Variants in HTATSF1 observed in about 807,000 individuals in gnomAD.
HTATSF1 encodes the protein HIV-1 Tat specific factor 1.
Under a neutral mutation model 46.1 loss-of-function variants are expected in HTATSF1, and 6 were observed. The ratio of observed to expected loss-of-function variants is 0.13; its 90% CI spans 0.07 to 0.26. HTATSF1 has a LOEUF of 0.26. Ranked by LOEUF, HTATSF1 falls within the 10% of genes least tolerant of loss-of-function variation. The pLI, the probability that HTATSF1 is intolerant of heterozygous loss-of-function variation, is 1.00. For synonymous variants in HTATSF1, 226 were observed against 211.5 expected (o/e 1.07, Z -0.60); for missense variants, 452 against 559.9 (o/e 0.81, Z 1.94).
chrX:136,508,496 GA>G (rs1279795448), intron 6 of HTATSF1, among the ~76,000 whole-genome samples: 1 of 112,404 alleles, frequency 8.9e-6, no homozygotes, highest in Non-Finnish European at 1.9e-5. Flanking sequence ...CAACAGCTAA[GA>G]ATGTATTTTA....
chrX:136,503,913 C>T (rs2075730100), intron 5 of HTATSF1, among the ~76,000 whole-genome samples: 1 of 111,320 alleles, frequency 9.0e-6, no homozygotes, highest in South Asian at 3.8e-4. Flanking sequence ...CTCTGTCACA[C>T]AGGCTGGAGT....
chrX:136,498,927 ATTTCTTTCG>A (rs762991881), intron 1 of HTATSF1, among the ~76,000 whole-genome samples: 13 of 113,034 alleles, frequency 1.2e-4, no homozygotes, highest in African/African-American at 3.9e-4. Flanking sequence ...ATATAACTAT[ATTTCTTTCG>A]TTTTGCAATA....
At chrX:136,509,978 C>A in intron 7 of HTATSF1, 104 bp from the exon 8 acceptor site, 2 of 700,170 alleles carry the variant, frequency 2.9e-6, no homozygotes, top group African/African-American at 2.2e-5. Context: ...TCTTTTACTT[C>A]AGAGTATCAG....
upstream of HTATSF1, chrX:136,497,359 G>GGCGGCGGCGGCA (rs1319670312): frequency 1.1e-4 from 12 of 113,859 alleles, no homozygotes; most frequent in African/African-American, 4.0e-4. Context: ...CGGCGGCGGT[G>GGCGGCGGCGGCA]GCGGCGGCGG....
rs2075697680 is a variant in HTATSF1 at position 136,497,592 on chromosome X, A to C, written c.-93A>C. 10 of 750,250 alleles carry C rather than the reference A, an allele frequency of 1.3e-5. No homozygotes were observed. Among genetic ancestry groups the C allele is most frequent in the Non-Finnish European group, 1.8e-5 (10 of 545,768 alleles). The allele number at this position is 750,250 out of a possible 1,213,427, so 61.8% of individuals were successfully genotyped here. ...GGCCGGGGGGCGGCGGGGCGCGAGCAGAGCGCGGTTGACCTCCCTTTCTCT... is the reference window on the plus strand; with the variant it reads ...GGCCGGGGGGCGGCGGGGCGCGAGCCGAGCGCGGTTGACCTCCCTTTCTCT... On this transcript the variant is annotated 5_prime_UTR_variant, in exon 1 of 9. Transcript: ENST00000218364.
chrX:136,497,527 C>G, upstream of HTATSF1: 1 of 342,890 alleles, frequency 2.9e-6, no homozygotes. Flanking sequence ...GCCGAGCGGC[C>G]GCGATTTCCC....
chrX:136,509,222 TC>T, intron 7 of HTATSF1, 42 bp downstream of exon 7: 1 of 928,197 alleles, frequency 1.1e-6, no homozygotes, highest in Non-Finnish European at 1.6e-6. Flanking sequence ...AAGCAATAAT[TC>T]CTCCACCTTA....
At chrX:136,508,681 C>G (rs2075753839) in intron 6 of HTATSF1, among the ~76,000 whole-genome samples, 1 of 112,589 alleles carries the variant, frequency 8.9e-6, no homozygotes. Flanking sequence ...CTCTCTCTCT[C>G]TCCATTACAA....
intron 6 of HTATSF1, among the ~76,000 whole-genome samples, chrX:136,508,742 C>A (rs1418109367): frequency 8.9e-6 from 1 of 112,186 alleles, no homozygotes; most frequent in Non-Finnish European, 1.9e-5. Context: ...GGGCTCTTAT[C>A]AGTGTGATGT....
In HTATSF1 at chrX:136,499,600, T is replaced by C. The variant is rs1342150660; in HGVS notation, c.189T>C (p.Ile63=). ...GGTCTGTTGAATTGCTTGTGTAGAT[T>C]ACTGAAGATTTCATTGCTACATATC... The part of the protein sequence containing the change: ...DLDKKAWFPK[I]TEDFIATYQA... Residue 63 remains isoleucine, a splice_region_variant and synonymous_variant, in exon 2 of 9, where the codon ATT becomes ATC. Coordinates refer to ENST00000218364, the MANE Select transcript of HTATSF1 (RefSeq NM_014500.5). The C allele has an allele frequency of 4.3e-6, 5 of 1,165,371 alleles. No individual in the cohort carries two copies. The South Asian group carries it at 6.1e-5, about 14-fold the overall frequency.
At position 136,506,985 on chromosome X, in the gene HTATSF1, A is replaced by G. The variant is rs186038106; in HGVS notation, c.835-2106A>G. Among the ~76,000 whole-genome samples the G allele has an allele frequency of 1.2e-4, 14 of 112,723 alleles. No individual in the cohort carries two copies. In the Admixed American group the frequency reaches 1.3e-3, roughly 11 times the overall value. On this transcript the variant is annotated intron_variant, in intron 6 of 8. Coordinates refer to ENST00000218364, the MANE Select transcript of HTATSF1 (RefSeq NM_014500.5). ...CTACCATATTGGATAATGCAGATAT[A>G]CAACATTTTCATTATCACAGAACCT...
chrX:136,505,472 A>T (rs943901740), intron 6 of HTATSF1, among the ~76,000 whole-genome samples: 7 of 112,283 alleles, frequency 6.2e-5, no homozygotes, highest in Admixed American at 2.8e-4. Flanking sequence ...AGATTGATTG[A>T]TATCTCTTCT....
In HTATSF1 at chrX:136,511,085, A is replaced by G; in HGVS notation, c.1340A>G (p.Asn447Ser). 3 of 1,211,621 alleles carry G rather than the reference A, an allele frequency of 2.5e-6. No homozygotes were observed. Among genetic ancestry groups the G allele is most frequent in the Non-Finnish European group, 3.4e-6 (3 of 895,455 alleles). ...GGEFEEGASE[N>S]NAKESSPEKE... The stretch of plus-strand genomic sequence containing the variant: ...GAATTTGAAGAAGGTGCTTCTGAAA[A>G]CAATGCTAAGGAAAGTAGCCCCGAA... Residue 447 changes from asparagine to serine, a missense_variant, in exon 9 of 9, where the codon AAC becomes AGC. By Grantham distance (46) the Asn-to-Ser change is conservative. Around this residue, in one of 3 missense-constraint regions of HTATSF1, gnomAD observed 246 missense variants for 245.3 expected, o/e 1.00. Coordinates refer to ENST00000218364, the MANE Select transcript of HTATSF1 (RefSeq NM_014500.5).
chrX:136,499,872 G>GA lies in HTATSF1; in HGVS notation c.367+96dup, dbSNP rs770848517. The GA allele has an allele frequency of 3.4e-5, 23 of 678,254 alleles. No individual in the cohort carries two copies. In the East Asian group the frequency reaches 7.7e-4, roughly 23 times the overall value. The allele number at this position is 678,254 out of a possible 1,213,427, so 55.9% of individuals were successfully genotyped here. A position where few individuals can be genotyped will look rare whatever the true frequency, so the allele number is the denominator to read the frequency against. On this transcript the variant is annotated intron_variant, in intron 2 of 8. Coordinates refer to ENST00000218364, the MANE Select transcript of HTATSF1 (RefSeq NM_014500.5). Reference sequence around the variant, plus strand: ...CTTTTTCGAGAATTATAATAGCTTTGAAGGAATAAGGTGAGTTTTTTCTTT... The same window carrying GA: ...CTTTTTCGAGAATTATAATAGCTTTGAAAGGAATAAGGTGAGTTTTTTCTTT...
intron 8 of HTATSF1, 128 bp from the exon 9 acceptor site, chrX:136,510,680 G>C: frequency 1.3e-6 from 1 of 752,858 alleles, no homozygotes. Flanking sequence ...ACTGAAGATG[G>C]AATTGCTTTC....
rs766948722 is a variant in HTATSF1, at chrX:136,502,763, C to T, written c.571-15C>T. The T allele has an allele frequency of 2.8e-6, 3 of 1,082,789 alleles. No individual in the cohort carries two copies. The highest frequency in any genetic ancestry group is 3.8e-5 in the African/African-American group (2 of 53,098). 89.2% of individuals were successfully genotyped at this position (1,082,789 alleles called of 1,213,427 possible). ...CGTTGTATAACTGACTATATTTTGTCTTACATTTATAAAGAGAGAATCTGT... is the reference window on the plus strand; with the variant it reads ...CGTTGTATAACTGACTATATTTTGTTTTACATTTATAAAGAGAGAATCTGT... On this transcript the variant is annotated splice_polypyrimidine_tract_variant and intron_variant, in intron 4 of 8. Transcript: ENST00000218364.
intron 6 of HTATSF1, among the ~76,000 whole-genome samples, chrX:136,505,363 T>C (rs150231585): frequency 1.8e-5 from 2 of 111,769 alleles, no homozygotes; most frequent in African/African-American, 6.5e-5. Context: ...ACAGTTCAGC[T>C]CTATCTCAAT....
chrX:136,506,845 T>C (rs2075744489), intron 6 of HTATSF1, among the ~76,000 whole-genome samples: 1 of 112,415 alleles, frequency 8.9e-6, no homozygotes, highest in South Asian at 3.7e-4. Context: ...TGAACCTCAG[T>C]GTAGACCTGT....
Position 136,511,260 on chromosome X carries a change from G to T in HTATSF1, c.1515G>T (p.Lys505Asn), listed in dbSNP as rs1302589909. 6 of 1,207,245 alleles carry T rather than the reference G, an allele frequency of 5.0e-6. No homozygotes were observed. Among genetic ancestry groups the T allele is most frequent in the Non-Finnish European group, 6.7e-6 (6 of 894,540 alleles). The change falls in exon 9 of 9, where the codon AAG becomes AAT. Residue 505 changes from lysine to asparagine, a missense_variant. Physicochemically the swap from Lys to Asn is moderately conservative, Grantham distance 94. This residue lies in a region of HTATSF1 where 246 missense variants were observed against 245.3 expected (regional missense o/e 1.00). Coordinates refer to ENST00000218364, the MANE Select transcript of HTATSF1 (RefSeq NM_014500.5). ...ATAGTCCTAAAAAAGAGTCTAAAAA[G>T]AAGACACTCAAAAATGATTGTGAAG... Reference protein sequence around the residue: ...EEDSPKKESKKKTLKNDCEEN... With the variant: ...EEDSPKKESKNKTLKNDCEEN...
Sources: gnomAD v4.1 joint callset for allele counts (sites outside exome capture counted in the v4.1 genomes callset) on GRCh38, gnomAD v4.1.1 for gene constraint, gnomAD v4.1.1 regional missense constraint, MANE v1.5 for transcripts, NCBI Gene and HGNC (gene_info 2026-07-23, HGNC 2026-07-21) for gene names.